The following GRID2 variants were observed in gnomAD, a reference collection of about 807,000 sequenced individuals.
GRID2 encodes glutamate ionotropic receptor delta type subunit 2, also known as glutamate receptor ionotropic, delta-2.
A neutral mutation model predicts 114.8 loss-of-function variants in GRID2; 33 were observed. That is an observed-to-expected ratio of 0.29 (90% CI 0.22 to 0.38). The LOEUF (loss-of-function observed/expected upper bound fraction) is 0.38. GRID2 is among the 10% of genes least tolerant of loss of function. GRID2 has a pLI of 1.00. For missense variants in GRID2, 1,184 were observed against 1,257.7 expected (o/e 0.94, Z 0.89); for synonymous variants, 505 against 449.9 (o/e 1.12, Z -1.55).
At chr4:92,401,308 T>C (rs1236017931) in intron 1 of GRID2, among the ~76,000 whole-genome samples, 4 of 152,192 alleles carry the variant, frequency 2.6e-5, no homozygotes, top group Non-Finnish European at 4.4e-5. Context: ...AAGCAGATAT[T>C]ACATGTTTAT....
chr4:92,891,462 A>T (rs1455888257), intron 2 of GRID2, among the ~76,000 whole-genome samples: 1 of 152,182 alleles, frequency 6.6e-6, no homozygotes, highest in Admixed American at 6.5e-5. Flanking sequence ...AAGGTTGTTT[A>T]TCTGTTCTCT....
At chr4:92,919,677 A>T (rs573710289) in intron 2 of GRID2, among the ~76,000 whole-genome samples, 1 of 152,162 alleles carries the variant, frequency 6.6e-6, no homozygotes, top group Admixed American at 6.5e-5. Context: ...TGAGTTTCTT[A>T]ATCCTGAGTT....
chr4:92,315,993 C>CAAAAAAAAAAAAAAAAAAAAAAAACA (rs778361565), intron 1 of GRID2, among the ~76,000 whole-genome samples: 2 of 61,916 alleles, frequency 3.2e-5, no homozygotes, highest in Non-Finnish European at 6.2e-5. Flanking sequence ...AAACAAAAAG[C>CAAAAAAAAAAAAAAAAAAAAAAAACA]AAAAAAAAAA....
chr4:93,438,317 C>A (rs189755784), intron 10 of GRID2, among the ~76,000 whole-genome samples: 2 of 152,116 alleles, frequency 1.3e-5, no homozygotes, highest in Non-Finnish European at 2.9e-5. Flanking sequence ...GCAGCTTCTG[C>A]CTGGGGAGTT....
At chr4:92,768,122 C>A (rs1738355674) in intron 2 of GRID2, among the ~76,000 whole-genome samples, 3 of 152,062 alleles carry the variant, frequency 2.0e-5, no homozygotes, top group Admixed American at 6.6e-5. Flanking sequence ...TTATCAATGT[C>A]ATGAAATTAT....
chr4:92,468,788 A>G (rs1721879774), intron 1 of GRID2, among the ~76,000 whole-genome samples: 1 of 152,234 alleles, frequency 6.6e-6, no homozygotes, highest in African/African-American at 2.4e-5. Flanking sequence ...AAGCCATTAA[A>G]ATGTTTTAGG....
chr4:92,778,785 C>T (rs76624389), intron 2 of GRID2, among the ~76,000 whole-genome samples: 3,717 of 152,072 alleles, frequency 0.024, 104 homozygotes, highest in East Asian at 0.12. Context: ...CAGGCCATTT[C>T]CCATCTAGTG....
At chr4:93,121,145 A>C (rs1298414091) in intron 4 of GRID2, among the ~76,000 whole-genome samples, 1 of 152,192 alleles carries the variant, frequency 6.6e-6, no homozygotes, top group African/African-American at 2.4e-5. Context: ...ATAGTTATTT[A>C]AATGACACAT....
At chr4:92,941,549 T>C (rs1284523522) in intron 2 of GRID2, among the ~76,000 whole-genome samples, 1 of 152,206 alleles carries the variant, frequency 6.6e-6, no homozygotes, top group Non-Finnish European at 1.5e-5. Flanking sequence ...TTTGAAGGGT[T>C]ATTTGTGTCT....
At chr4:92,520,503 C>A (rs577194345) in intron 1 of GRID2, among the ~76,000 whole-genome samples, 64 of 152,086 alleles carry the variant, frequency 4.2e-4, no homozygotes, top group African/African-American at 1.5e-3. Flanking sequence ...CTTCAGCAAG[C>A]ATCTCTGCTG....
chr4:93,085,252 T>C lies in GRID2; in HGVS notation c.502T>C (p.Phe168Leu). 2 of 1,613,478 alleles carry C rather than the reference T, an allele frequency of 1.2e-6. No homozygotes were observed. Among genetic ancestry groups the C allele is most frequent in the East Asian group, 2.2e-5 (1 of 44,878 alleles). The stretch of plus-strand genomic sequence containing the variant: ...GGTCACAGAGTATGCCTGGCAGAAA[T>C]TCATTATATTCTATGATAGTGAATA... ...RVVTEYAWQK[F>L]IIFYDSEYDI... Residue 168 changes from phenylalanine to leucine, a missense_variant, in exon 3 of 16, where the codon TTC becomes CTC. Coordinates refer to ENST00000282020, the MANE Select transcript of GRID2 (RefSeq NM_001510.4).
At chr4:92,980,448 T>C (rs1754121982) in intron 2 of GRID2, among the ~76,000 whole-genome samples, 1 of 152,042 alleles carries the variant, frequency 6.6e-6, no homozygotes, top group Non-Finnish European at 1.5e-5. Context: ...ACTTAGGCAA[T>C]GGAAGCAGAA....
At chr4:93,542,339 T>G (rs1578222656) in intron 13 of GRID2, among the ~76,000 whole-genome samples, 1 of 152,272 alleles carries the variant, frequency 6.6e-6, no homozygotes, top group Non-Finnish European at 1.5e-5. Context: ...CAGAAAAAAG[T>G]ACCTTTTCTC....
rs1222744683 is a variant in GRID2, at chr4:93,615,522, A to G, written c.2194-10747A>G. On this transcript the variant is annotated intron_variant, in intron 13 of 15. Coordinates refer to ENST00000282020, the MANE Select transcript of GRID2 (RefSeq NM_001510.4). ...CAATGGGATCACTGGGTCAAATGGT[A>G]TTTCTAGCTCTAGATCCTGGAGAAA... Among the ~76,000 whole-genome samples the G allele has an allele frequency of 2.0e-5, 3 of 152,132 alleles. No individual in the cohort carries two copies. The East Asian group carries it at 5.8e-4, about 29-fold the overall frequency.
intron 2 of GRID2, among the ~76,000 whole-genome samples, chr4:92,893,761 C>T (rs1418131877): frequency 6.6e-6 from 1 of 152,134 alleles, no homozygotes; most frequent in Non-Finnish European, 1.5e-5. Context: ...TCATCACCCA[C>T]TCTGCTTAAT....
intron 8 of GRID2, among the ~76,000 whole-genome samples, chr4:93,364,373 C>G (rs1336209048): frequency 6.6e-6 from 1 of 152,024 alleles, no homozygotes; most frequent in Admixed American, 6.6e-5. Flanking sequence ...AATATATAAA[C>G]TATCATACTT....
chr4:92,772,505 A>G (rs1367031996), intron 2 of GRID2, among the ~76,000 whole-genome samples: 3 of 152,150 alleles, frequency 2.0e-5, no homozygotes, highest in Non-Finnish European at 2.9e-5. Flanking sequence ...TCATGAAAAC[A>G]TATGCTCTGT....
Position 92,666,659 on chromosome 4 carries a change from T to G in GRID2, c.244+76373T>G, listed in dbSNP as rs542263310. Among the ~76,000 whole-genome samples, 55 of 148,074 alleles carry G rather than the reference T, an allele frequency of 3.7e-4. 1 individual carries two copies. Among genetic ancestry groups the G allele is most frequent in the East Asian group, 2.6e-3 (13 of 5,080 alleles). On this transcript the variant is annotated intron_variant, in intron 2 of 15. Coordinates refer to ENST00000282020, the MANE Select transcript of GRID2 (RefSeq NM_001510.4). ...TGTAAACTTAAGGGTTGTTTTTTTTTTTTTTTTTTTTCAGATCTTTTCTGA... is the reference window on the plus strand; with the variant it reads ...TGTAAACTTAAGGGTTGTTTTTTTTGTTTTTTTTTTTCAGATCTTTTCTGA...
chr4:93,087,456 T>C (rs1730431551), intron 3 of GRID2, among the ~76,000 whole-genome samples: 1 of 152,154 alleles, frequency 6.6e-6, no homozygotes, highest in African/African-American at 2.4e-5. Context: ...GTCAGGTAAT[T>C]TGTATAAAAG....
Sources: allele counts gnomAD v4.1 joint callset (sites outside exome capture counted in the v4.1 genomes callset), GRCh38; gene constraint gnomAD v4.1.1; transcripts MANE v1.5; gene names NCBI Gene and HGNC (gene_info 2026-07-23, HGNC 2026-07-21).